KMT5A: variants seen among roughly 807,000 people sequenced by gnomAD.
KMT5A encodes lysine methyltransferase 5A.
In KMT5A, 6 loss-of-function variants were observed where a neutral mutation model predicts 40.6. That is an observed-to-expected ratio of 0.15 (90% CI 0.08 to 0.29). KMT5A has a LOEUF of 0.29. KMT5A is among the 10% of genes least tolerant of loss of function. KMT5A has a pLI of 1.00. For synonymous variants in KMT5A, 153 were observed against 178.8 expected (o/e 0.86, Z 1.15); for missense variants, 308 against 459.1 (o/e 0.67, Z 3.01).
chr12:123,395,841 G>A (rs1877682168), intron 4 of KMT5A, among the ~76,000 whole-genome samples: 1 of 152,072 alleles, frequency 6.6e-6, no homozygotes, highest in Admixed American at 6.6e-5. Context: ...GGGATTACAG[G>A]CGTGAACCAC....
chr12:123,398,159 G>A (rs1373370701), intron 5 of KMT5A, among the ~76,000 whole-genome samples: 2 of 151,984 alleles, frequency 1.3e-5, no homozygotes, highest in Admixed American at 6.6e-5. Context: ...GCAGGTGCCT[G>A]TAATCCCAGC....
chr12:123,397,186 G>A (rs1877794238), intron 5 of KMT5A, among the ~76,000 whole-genome samples: 1 of 152,286 alleles, frequency 6.6e-6, no homozygotes, highest in Admixed American at 6.5e-5. Flanking sequence ...CATGTTTGCA[G>A]AGGGTTGAGC....
chr12:123,400,315 G>A lies in KMT5A; in HGVS notation c.598-3258G>A, dbSNP rs553501538. ...CTCCCAAAGTGCTGGGATTACAGGC[G>A]TGAGCCACCGTGCCCAGCCAAAAAG... On this transcript the variant is annotated intron_variant, in intron 5 of 7. Transcript: ENST00000402868. Among the ~76,000 whole-genome samples, 12 of 151,968 alleles carry A rather than the reference G, an allele frequency of 7.9e-5. No homozygotes were observed. The South Asian group carries it at 2.1e-3, about 26-fold the overall frequency.
At chr12:123,400,225 C>CG (rs1566079744) in intron 5 of KMT5A, among the ~76,000 whole-genome samples, 1 of 145,544 alleles carries the variant, frequency 6.9e-6, no homozygotes, top group East Asian at 2.0e-4. Context: ...TTAGTAGAGA[C>CG]GGGGTTTCAC....
Position 123,384,341 on chromosome 12 carries a change from G to T in KMT5A, c.10+133G>T. On this transcript the variant is annotated intron_variant, in intron 1 of 7. Coordinates refer to ENST00000402868, the MANE Select transcript of KMT5A (RefSeq NM_020382.7). The surrounding 1 kb of genome is among the most constrained non-coding windows in gnomAD (Gnocchi z 5.7). ...CGGGGCAAGCTTGGGGACCCGCGTG[G>T]GGGGAGAGGGGGTGCTGCTGCGGAA... 5 of 1,237,822 alleles carry T rather than the reference G, an allele frequency of 4.0e-6. No individual in the cohort carries two copies. Among genetic ancestry groups the T allele is most frequent in the Admixed American group, 2.1e-5 (1 of 46,992 alleles). 76.7% of individuals were successfully genotyped at this position (1,237,822 alleles called of 1,614,324 possible).
chr12:123,396,860 A>G (rs1362508440), intron 5 of KMT5A, among the ~76,000 whole-genome samples: 2 of 152,128 alleles, frequency 1.3e-5, no homozygotes, highest in Non-Finnish European at 2.9e-5. Flanking sequence ...GCTTGGGGCC[A>G]CTTGCTGGTT....
At chr12:123,399,257 C>T (rs1877969540) in intron 5 of KMT5A, among the ~76,000 whole-genome samples, 1 of 152,240 alleles carries the variant, frequency 6.6e-6, no homozygotes, top group Admixed American at 6.5e-5. Flanking sequence ...TCTCAACTGC[C>T]CTAGTTCCAA....
intron 3 of KMT5A, among the ~76,000 whole-genome samples, chr12:123,393,800 TC>T (rs1329458290): frequency 3.3e-5 from 5 of 152,132 alleles, no homozygotes; most frequent in Non-Finnish European, 5.9e-5. Flanking sequence ...GCCCAGCCCT[TC>T]ATTCCTTTTT....
intron 2 of KMT5A, 59 bp downstream of exon 2, chr12:123,389,613 A>T (rs1257651923): frequency 2.9e-6 from 3 of 1,046,098 alleles, no homozygotes; most frequent in East Asian, 1.5e-4. Context: ...GGCCGCGAGC[A>T]CATGGGCGAC....
intron 5 of KMT5A, among the ~76,000 whole-genome samples, chr12:123,402,020 G>C (rs1452776246): frequency 6.6e-6 from 1 of 152,122 alleles, no homozygotes; most frequent in Non-Finnish European, 1.5e-5. Flanking sequence ...AGAGTAGCTG[G>C]GACCAAAGGT....
intron 1 of KMT5A, among the ~76,000 whole-genome samples, chr12:123,387,207 A>G (rs1414691076): frequency 6.6e-6 from 1 of 152,118 alleles, no homozygotes; most frequent in Admixed American, 6.6e-5. Context: ...CTGTTTTGAA[A>G]CTTACATTGA....
In KMT5A at chr12:123,395,160, G is replaced by C. The variant is rs115782694; in HGVS notation, c.403G>C (p.Ala135Pro). The part of the protein sequence containing the change: ...VPFPNQKSEA[A>P]EPPKTPPSSC... Reference sequence around the variant, plus strand: ...TTTTCCAAACCAAAAATCTGAAGCAGCAGAACCTCCAAAAACTCCACCCTC... The same window carrying C: ...TTTTCCAAACCAAAAATCTGAAGCACCAGAACCTCCAAAAACTCCACCCTC... The change falls in exon 4 of 8, where the codon GCA becomes CCA. Residue 135 changes from alanine to proline, a missense_variant. Transcript: ENST00000402868. 2.5e-4 allele frequency: 406 copies of C among 1,612,008 alleles called. No homozygotes were observed. Among genetic ancestry groups the C allele is most frequent in the Non-Finnish European group, 3.3e-4 (393 of 1,179,076 alleles).
chr12:123,397,159 A>C (rs1044699736), intron 5 of KMT5A, among the ~76,000 whole-genome samples: 9 of 152,266 alleles, frequency 5.9e-5, no homozygotes, highest in Non-Finnish European at 1.2e-4. Flanking sequence ...CAGCTGGCCT[A>C]TGCGGGCCTC....
rs57847836 is a variant in KMT5A at position 123,408,566 on chromosome 12, C to CTTTTTT, written c.*878_*883dup. 1 of 91,856 alleles carries CTTTTTT rather than the reference C, an allele frequency of 1.1e-5. No individual in the cohort carries two copies. The highest frequency in any genetic ancestry group is 3.8e-5 in the African/African-American group (1 of 26,490). The allele number at this position is 91,856 out of a possible 1,614,324, so 5.7% of individuals were successfully genotyped here. A position where few individuals can be genotyped will look rare whatever the true frequency, so the allele number is the denominator to read the frequency against. On this transcript the variant is annotated 3_prime_UTR_variant, in exon 8 of 8. Coordinates refer to ENST00000402868, the MANE Select transcript of KMT5A (RefSeq NM_020382.7). Reference sequence around the variant, plus strand: ...GGTCTTGAAGTGAGTGAAGTGGCTGCTTTTTTTTTTTTTTTTTTTTGCTTT... The same window carrying CTTTTTT: ...GGTCTTGAAGTGAGTGAAGTGGCTGCTTTTTTTTTTTTTTTTTTTTTTTTTTGCTTT...
At chr12:123,387,172 T>C (rs1593452365) in intron 1 of KMT5A, among the ~76,000 whole-genome samples, 1 of 152,188 alleles carries the variant, frequency 6.6e-6, no homozygotes, top group Non-Finnish European at 1.5e-5. Context: ...ATTTGTTATA[T>C]ACGTATAAAC....
chr12:123,389,275 G>C (rs1333379155), intron 1 of KMT5A, 158 bp from the exon 2 acceptor site: 1 of 261,184 alleles, frequency 3.8e-6, no homozygotes. Flanking sequence ...CTCCGGCCCG[G>C]CCCTCCCGGC....
intron 5 of KMT5A, among the ~76,000 whole-genome samples, chr12:123,398,448 C>G (rs546267117): frequency 6.6e-6 from 1 of 152,264 alleles, no homozygotes; most frequent in African/African-American, 2.4e-5. Context: ...CCGAGTTGGC[C>G]TTGTTAATAA....
intron 4 of KMT5A, 37 bp from the exon 5 acceptor site, chr12:123,396,308 C>A (rs1191200250): frequency 1.9e-6 from 3 of 1,603,874 alleles, no homozygotes; most frequent in South Asian, 1.1e-5. Flanking sequence ...GGTTTTCAGT[C>A]CTGATATTTA....
Position 123,384,897 on chromosome 12 carries a change from ATACT to A in KMT5A, c.10+692_10+695del, listed in dbSNP as rs1240798306. The stretch of plus-strand genomic sequence containing the variant: ...CGATGCCCTGTCTGAAGTCCTCTGC[ATACT>A]TAGTTGGCTGTCAGGACAGTGCCTC... On this transcript the variant is annotated intron_variant, in intron 1 of 7. Transcript: ENST00000402868. This position sits in a 1 kb window ranked among gnomAD's most constrained non-coding sequence, Gnocchi z 5.7. Among the ~76,000 whole-genome samples, 1 of 152,222 alleles carries A rather than the reference ATACT, an allele frequency of 6.6e-6. No homozygotes were observed. The highest frequency in any genetic ancestry group is 1.5e-5 in the Non-Finnish European group (1 of 68,036).
Sources: gnomAD v4.1 joint callset for allele counts (sites outside exome capture counted in the v4.1 genomes callset) on GRCh38, gnomAD v4.1.1 for gene constraint, Gnocchi (gnomAD v3.1) non-coding constraint, MANE v1.5 for transcripts, NCBI Gene and HGNC (gene_info 2026-07-23, HGNC 2026-07-21) for gene names.